The following SLC6A11 variants were observed in gnomAD, a reference collection of about 807,000 sequenced individuals.
SLC6A11 encodes solute carrier family 6 member 11, also known as sodium- and chloride-dependent GABA transporter 3.
A neutral mutation model predicts 74.8 loss-of-function variants in SLC6A11; 25 were observed. That is an observed-to-expected ratio of 0.33 (90% CI 0.24 to 0.47). The LOEUF (loss-of-function observed/expected upper bound fraction) is 0.47, where lower values mean the gene tolerates loss of function less well. Ranked by LOEUF, SLC6A11 falls within the 20% of genes least tolerant of loss-of-function variation. The pLI is 1.00. For synonymous variants in SLC6A11, 330 were observed against 330.2 expected, an observed-to-expected ratio of 1.00 and a Z score of 0.01; for missense variants, 574 against 837.0, an observed-to-expected ratio of 0.69 and a Z score of 3.88.
chr3:10,873,583 C>CACTATCCTATCCTATCCTATCCTAT (rs1559566918), intron 5 of SLC6A11, among the ~76,000 whole-genome samples: 2 of 114,940 alleles, frequency 1.7e-5, no homozygotes, highest in African/African-American at 7.5e-5. Context: ...CCCTACCCTA[C>CACTATCCTATCCTATCCTATCCTAT]GCTATCCTAT....
chr3:10,844,177 C>T lies in SLC6A11; in HGVS notation c.624-37C>T, dbSNP rs745994786. 8.1e-6 allele frequency: 13 copies of T among 1,613,136 alleles called. No homozygotes were observed. In the Admixed American group the frequency reaches 1.8e-4, roughly 23 times the overall value. ...ACTAGCTTTGCTGAAAATGGGCCAG[C>T]CCCAGCCCCAGTGACTCTCCACCCT... On this transcript the variant is annotated intron_variant, in intron 4 of 13. Coordinates refer to ENST00000254488, the MANE Select transcript of SLC6A11 (RefSeq NM_014229.3).
intron 6 of SLC6A11, among the ~76,000 whole-genome samples, chr3:10,877,460 G>C (rs1052148832): frequency 1.3e-5 from 2 of 152,218 alleles, no homozygotes; most frequent in Non-Finnish European, 2.9e-5. Flanking sequence ...AAATGCAGCA[G>C]CATGTGTGCA....
At position 10,918,177 on chromosome 3, in the gene SLC6A11, C is replaced by T; in HGVS notation, c.996-152C>T. 1.3e-6 allele frequency: 1 copy of T among 775,192 alleles called. No homozygotes were observed. Among genetic ancestry groups the T allele is most frequent in the Non-Finnish European group, 1.9e-6 (1 of 529,592 alleles). The allele number at this position is 775,192 out of a possible 1,614,324, so 48.0% of individuals were successfully genotyped here. On this transcript the variant is annotated intron_variant, in intron 7 of 13. Coordinates refer to ENST00000254488, the MANE Select transcript of SLC6A11 (RefSeq NM_014229.3). This position sits in a 1 kb window ranked among gnomAD's most constrained non-coding sequence, Gnocchi z 4.5. Reference sequence around the variant, plus strand: ...GGGCCAGCCACCTAACCTCTCTGAACCATGAGTGCTCCATCAGAAAAACAG... The same window carrying T: ...GGGCCAGCCACCTAACCTCTCTGAATCATGAGTGCTCCATCAGAAAAACAG...
At chr3:10,910,727 G>A (rs1559579957) in intron 6 of SLC6A11, among the ~76,000 whole-genome samples, 1 of 151,984 alleles carries the variant, frequency 6.6e-6, no homozygotes, top group Admixed American at 6.6e-5. Flanking sequence ...CAGCTGTGTG[G>A]TTTGGGCACA....
Position 10,844,214 on chromosome 3 carries a change from G to T in SLC6A11, c.624G>T (p.Glu208Asp). The T allele has an allele frequency of 6.2e-7, 1 of 1,614,198 alleles. No individual in the cohort carries two copies. Among genetic ancestry groups the T allele is most frequent in the Non-Finnish European group, 8.5e-7 (1 of 1,180,036 alleles). ...NATSPVMEFW[E>D]HRVLAISDGI... ...TGACTCTCCACCCTCCCTTCTGCAG[G>T]CACCGGGTCCTGGCCATCTCTGACG... is the stretch of plus-strand genomic sequence containing the variant. Residue 208 changes from glutamate to aspartate, a missense_variant and splice_region_variant, in exon 5 of 14, where the codon GAG (glutamate) becomes GAT (aspartate). Transcript: ENST00000254488.
At chr3:10,891,082 T>C (rs1695102119) in intron 6 of SLC6A11, among the ~76,000 whole-genome samples, 1 of 152,200 alleles carries the variant, frequency 6.6e-6, no homozygotes, top group Non-Finnish European at 1.5e-5. Context: ...CAGCATGCAA[T>C]CTTAACTCTA....
In SLC6A11 at chr3:10,926,487, G is replaced by A. The variant is rs1187300473; in HGVS notation, c.1233+371G>A. Among the ~76,000 whole-genome samples, 1 of 152,148 alleles carries A rather than the reference G, an allele frequency of 6.6e-6. No homozygotes were observed. The highest frequency in any genetic ancestry group is 2.4e-5 in the African/African-American group (1 of 41,406). ...CCTGGCACAGCAGAAGAGAGTCTCAGAGAGTGAGTTCCACAGCATGCATGT... is the reference window on the plus strand; with the variant it reads ...CCTGGCACAGCAGAAGAGAGTCTCAAAGAGTGAGTTCCACAGCATGCATGT... On this transcript the variant is annotated intron_variant, in intron 9 of 13. Coordinates refer to ENST00000254488, the MANE Select transcript of SLC6A11 (RefSeq NM_014229.3). This position sits in a 1 kb window ranked among gnomAD's most constrained non-coding sequence, Gnocchi z 5.7.
chr3:10,826,316 C>A (rs1049415966), intron 4 of SLC6A11, among the ~76,000 whole-genome samples: 19 of 152,224 alleles, frequency 1.2e-4, no homozygotes, highest in African/African-American at 4.6e-4. Context: ...AAGGAGACTT[C>A]TGGGCTGGGT....
At chr3:10,856,003 G>C (rs907471062) in intron 5 of SLC6A11, among the ~76,000 whole-genome samples, 6 of 152,256 alleles carry the variant, frequency 3.9e-5, no homozygotes, top group Admixed American at 2.6e-4. Flanking sequence ...GCTATGAGTG[G>C]TCACTTGTTG....
intron 4 of SLC6A11, among the ~76,000 whole-genome samples, chr3:10,843,849 C>T (rs1694468417): frequency 6.6e-6 from 1 of 152,180 alleles, no homozygotes; most frequent in Admixed American, 6.5e-5. Flanking sequence ...TCAAGTTTGG[C>T]AGGGCAGGAT....
intron 8 of SLC6A11, among the ~76,000 whole-genome samples, chr3:10,923,896 AC>A (rs1288877750): frequency 2.0e-5 from 3 of 152,210 alleles, no homozygotes; most frequent in African/African-American, 4.8e-5. Flanking sequence ...AAAGGATATA[AC>A]ATCACTGCTG....
At chr3:10,851,433 C>T (rs1303303493) in intron 5 of SLC6A11, among the ~76,000 whole-genome samples, 1 of 151,128 alleles carries the variant, frequency 6.6e-6, no homozygotes, top group Non-Finnish European at 1.5e-5. Context: ...CACAGACAGA[C>T]AGACACACTC....
intron 10 of SLC6A11, among the ~76,000 whole-genome samples, 196 bp downstream of exon 10, chr3:10,929,535 A>C (rs1301896899): frequency 6.6e-6 from 1 of 152,168 alleles, no homozygotes; most frequent in Non-Finnish European, 1.5e-5. Context: ...CTTCATGTGC[A>C]AGTGCTCAGC....
intron 6 of SLC6A11, among the ~76,000 whole-genome samples, chr3:10,908,760 A>G (rs1354198763): frequency 6.6e-6 from 1 of 152,184 alleles, no homozygotes; most frequent in East Asian, 1.9e-4. Context: ...CACAGTATAC[A>G]GGTGAAGGCA....
chr3:10,930,931 C>T (rs1017571123), intron 10 of SLC6A11, among the ~76,000 whole-genome samples: 4 of 152,180 alleles, frequency 2.6e-5, no homozygotes, highest in African/African-American at 9.6e-5. Context: ...TCCGCCTTCT[C>T]GGAGGACTAT....
intron 10 of SLC6A11, among the ~76,000 whole-genome samples, chr3:10,931,117 G>C (rs1695680044): frequency 6.6e-6 from 1 of 152,244 alleles, no homozygotes; most frequent in Non-Finnish European, 1.5e-5. Context: ...GTGGTTGAGA[G>C]CATGGGCTTT....
intron 6 of SLC6A11, among the ~76,000 whole-genome samples, chr3:10,879,029 A>G (rs1352226843): frequency 6.6e-6 from 1 of 152,128 alleles, no homozygotes; most frequent in Non-Finnish European, 1.5e-5. Flanking sequence ...TGCCTTTCCT[A>G]CCATTGTATC....
chr3:10,855,843 A>G (rs1235695080), intron 5 of SLC6A11, among the ~76,000 whole-genome samples: 1 of 152,320 alleles, frequency 6.6e-6, no homozygotes, highest in East Asian at 1.9e-4. Context: ...CCATGTGTAC[A>G]ATGACCAGAA....
rs576250264 is a variant in SLC6A11, at chr3:10,888,069, A to G, written c.891+12974A>G. Among the ~76,000 whole-genome samples the G allele has an allele frequency of 5.9e-4, 90 of 152,340 alleles. 1 individual carries two copies. The highest frequency in any genetic ancestry group is 2.1e-3 in the African/African-American group (89 of 41,582). ...TCAGAAGATTACTCAGATAAGAGAG[A>G]GGCTCAGCAAAGCTCATCAATGAAG... On this transcript the variant is annotated intron_variant, in intron 6 of 13. Coordinates refer to ENST00000254488, the MANE Select transcript of SLC6A11 (RefSeq NM_014229.3).
Sources: allele counts gnomAD v4.1 joint callset (sites outside exome capture counted in the v4.1 genomes callset), GRCh38; gene constraint gnomAD v4.1.1; non-coding constraint Gnocchi (gnomAD v3.1); transcripts MANE v1.5; gene names NCBI Gene and HGNC (gene_info 2026-07-23, HGNC 2026-07-21).